Variants in DPF2 observed in about 807,000 individuals in gnomAD.
DPF2 encodes zinc finger protein ubi-d4.
In DPF2, 10 loss-of-function variants were observed where a neutral mutation model predicts 59.6. The observed-to-expected ratio is 0.17, with a 90% CI of 0.10 to 0.28. DPF2 has a LOEUF of 0.28. Among genes scored for constraint, DPF2 ranks in the 10% least tolerant of loss-of-function variants. DPF2 has a pLI of 1.00. For missense variants in DPF2, 315 were observed against 509.4 expected, an observed-to-expected ratio of 0.62 and a Z score of 3.67; for synonymous variants, 189 against 190.6, an observed-to-expected ratio of 0.99 and a Z score of 0.07.
chr11:65,337,927 C>T (rs1448267164), intron 1 of DPF2, among the ~76,000 whole-genome samples: 1 of 152,028 alleles, frequency 6.6e-6, no homozygotes, highest in Non-Finnish European at 1.5e-5. Flanking sequence ...GCCTCAGCCT[C>T]CCCCGTAGCT....
chr11:65,348,212 G>A (rs1036535132), intron 9 of DPF2: 6 of 152,274 alleles, frequency 3.9e-5, no homozygotes, highest in African/African-American at 1.4e-4. Context: ...TTGAACCCAG[G>A]AGTTTGAGGC....
intron 4 of DPF2, 106 bp downstream of exon 4, chr11:65,341,668 A>G (rs1854378360): frequency 2.0e-6 from 3 of 1,488,958 alleles, no homozygotes; most frequent in Non-Finnish European, 2.7e-6. Context: ...GAGTCCAGGA[A>G]GCAGGCCCCT....
rs563684759 is a variant in DPF2 at position 65,336,813 on chromosome 11, G to A, written c.32+2895G>A. Reference sequence around the variant, plus strand: ...AAAAAAAAAAAAAAAAAAAGAAGCCGGGCACGGTGGCTCATGCCTGTAATC... The same window carrying A: ...AAAAAAAAAAAAAAAAAAAGAAGCCAGGCACGGTGGCTCATGCCTGTAATC... On this transcript the variant is annotated intron_variant, in intron 1 of 10. Transcript: ENST00000528416. Among the ~76,000 whole-genome samples the A allele has an allele frequency of 8.1e-4, 119 of 147,468 alleles. 1 individual carries two copies. The South Asian group carries it at 0.022, about 27-fold the overall frequency.
Position 65,345,840 on chromosome 11 carries a change from G to A in DPF2, c.775+37G>A, listed in dbSNP as rs756098798. 6.2e-6 allele frequency: 10 copies of A among 1,613,690 alleles called. No individual in the cohort carries two copies. The East Asian group carries it at 2.0e-4, about 32-fold the overall frequency. On this transcript the variant is annotated intron_variant, in intron 7 of 10. Coordinates refer to ENST00000528416, the MANE Select transcript of DPF2 (RefSeq NM_006268.5). Reference sequence around the variant, plus strand: ...TGTCAGAAGTGGTGGGCAAGCAGAAGTTGGCCTGGTTATGAAAACCACTCC... The same window carrying A: ...TGTCAGAAGTGGTGGGCAAGCAGAAATTGGCCTGGTTATGAAAACCACTCC...
intron 1 of DPF2, among the ~76,000 whole-genome samples, chr11:65,337,537 A>G (rs981878754): frequency 7.2e-6 from 1 of 139,120 alleles, no homozygotes; most frequent in Admixed American, 7.3e-5. Flanking sequence ...AGAGAGAGAG[A>G]GAGAGAGAGA....
At chr11:65,347,214 A>G (rs1854560391) in intron 9 of DPF2, 1 of 151,860 alleles carries the variant, frequency 6.6e-6, no homozygotes. Context: ...GGGTTTCTCC[A>G]TGTTTGCCAG....
intron 4 of DPF2, among the ~76,000 whole-genome samples, chr11:65,342,977 G>C (rs2137696987): frequency 7.5e-6 from 1 of 132,640 alleles, no homozygotes; most frequent in East Asian, 2.3e-4. Flanking sequence ...CTAGGTGACA[G>C]AACGAGACTC....
intron 6 of DPF2, chr11:65,345,395 C>G: frequency 1.0e-5 from 5 of 482,066 alleles, no homozygotes; most frequent in Non-Finnish European, 1.9e-5. Context: ...GGGGCAAGGG[C>G]TAAGCCCCCC....
At position 65,353,638 on chromosome 11, in the gene DPF2, T is replaced by C. The variant is rs1487875494; in HGVS notation, c.*1879T>C. On this transcript the variant is annotated 3_prime_UTR_variant, in exon 11 of 11. Transcript: ENST00000528416. ...GCGCGTATGTCTTCAGTGTGTGTTT[T>C]AGAAGTCCAACTGTTGTTTTTATGT... Among the ~76,000 whole-genome samples the C allele has an allele frequency of 1.3e-5, 2 of 152,248 alleles. No individual in the cohort carries two copies. Among genetic ancestry groups the C allele is most frequent in the African/African-American group, 4.8e-5 (2 of 41,470 alleles).
chr11:65,341,524 C>G lies in DPF2; in HGVS notation c.427C>G (p.Leu143Val). 1 of 1,614,200 alleles carries G rather than the reference C, an allele frequency of 6.2e-7. No individual in the cohort carries two copies. The highest frequency in any genetic ancestry group is 8.5e-7 in the Non-Finnish European group (1 of 1,180,032). Residue 143 changes from leucine to valine, a missense_variant, in exon 4 of 11, where the codon CTG (leucine) becomes GTG (valine). By Grantham distance (32) the Leu-to-Val change is conservative. Around this residue, in one of 4 missense-constraint regions of DPF2, gnomAD observed 228 missense variants for 275.3 expected, o/e 0.83. Coordinates refer to ENST00000528416, the MANE Select transcript of DPF2 (RefSeq NM_006268.5). ...APDPRVDDDS[L>V]GEFPVTNSRA... ...GGATCCCCGAGTTGATGATGACAGC[C>G]TGGGCGAGTTTCCTGTGACCAACAG...
chr11:65,336,831 C>T (rs1467254408), intron 1 of DPF2, among the ~76,000 whole-genome samples: 1 of 150,464 alleles, frequency 6.6e-6, no homozygotes, highest in Non-Finnish European at 1.5e-5. Flanking sequence ...TGGCTCATGC[C>T]TGTAATCCCA....
chr11:65,342,880 G>A (rs899976272), intron 4 of DPF2, among the ~76,000 whole-genome samples: 4 of 151,144 alleles, frequency 2.6e-5, no homozygotes, highest in African/African-American at 7.3e-5. Flanking sequence ...CAGGCGTGGT[G>A]GTGGGCACCT....
At chr11:65,348,380 G>T in intron 9 of DPF2, 1 of 154,250 alleles carries the variant, frequency 6.5e-6, no homozygotes, top group South Asian at 2.0e-4. Flanking sequence ...GGGATTTCAG[G>T]ACCAGCCTGG....
intron 9 of DPF2, chr11:65,346,615 T>G (rs1401959145): frequency 2.4e-6 from 1 of 419,500 alleles, no homozygotes; most frequent in African/African-American, 2.0e-5. Context: ...GAGATTTACA[T>G]TCTTACAGGA....
Position 65,354,238 on chromosome 11 carries a change from C to T in DPF2, c.*2479C>T, listed in dbSNP as rs1017862673. ...ACTTGAATCTTGTAAAGTACCAAATCTAATAAAATACTCGTCCTAAATCAT... is the reference window on the plus strand; with the variant it reads ...ACTTGAATCTTGTAAAGTACCAAATTTAATAAAATACTCGTCCTAAATCAT... On this transcript the variant is annotated 3_prime_UTR_variant, in exon 11 of 11. Transcript: ENST00000528416. Among the ~76,000 whole-genome samples the T allele has an allele frequency of 2.6e-5, 4 of 152,200 alleles. No individual in the cohort carries two copies. The highest frequency in any genetic ancestry group is 9.6e-5 in the African/African-American group (4 of 41,452).
rs751972712 is a variant in DPF2, at chr11:65,333,872, A to G, written c.-15A>G. 6 of 1,613,752 alleles carry G rather than the reference A, an allele frequency of 3.7e-6. No homozygotes were observed. The highest frequency in any genetic ancestry group is 2.2e-5 in the East Asian group (1 of 44,882). ...ACTGTGGGGCTTCTCGGCCCGAGGC[A>G]GAGGAACAGGGAAGATGGCGGCTGT... is the stretch of plus-strand genomic sequence containing the variant. On this transcript the variant is annotated 5_prime_UTR_variant, in exon 1 of 11. Transcript: ENST00000528416.
intron 10 of DPF2, among the ~76,000 whole-genome samples, chr11:65,349,857 G>T (rs1854642162): frequency 6.6e-6 from 1 of 151,900 alleles, no homozygotes; most frequent in African/African-American, 2.4e-5. Context: ...AAATGCCCAG[G>T]AGCTGTTACT....
intron 1 of DPF2, among the ~76,000 whole-genome samples, chr11:65,337,535 A>AGAGAGG (rs1161647773): frequency 7.2e-6 from 1 of 138,696 alleles, no homozygotes; most frequent in East Asian, 2.0e-4. Context: ...AGAGAGAGAG[A>AGAGAGG]GAGAGAGAGA....
chr11:65,351,859 A>C lies in DPF2; in HGVS notation c.*100A>C. 4 of 1,353,516 alleles carry C rather than the reference A, an allele frequency of 3.0e-6. No homozygotes were observed. The highest frequency in any genetic ancestry group is 1.2e-5 in the South Asian group (1 of 80,084). The allele number at this position is 1,353,516 out of a possible 1,614,324, so 83.8% of individuals were successfully genotyped here. ...CCCTTCTTCCTCCTCTCCTTCACAA[A>C]TCCAGAGAACCTTGGGGTGGTTGTG... On this transcript the variant is annotated 3_prime_UTR_variant, in exon 11 of 11. Transcript: ENST00000528416.
Sources: allele counts gnomAD v4.1 joint callset (sites outside exome capture counted in the v4.1 genomes callset), GRCh38; gene constraint gnomAD v4.1.1; regional missense constraint gnomAD v4.1.1; transcripts MANE v1.5; gene names NCBI Gene and HGNC (gene_info 2026-07-23, HGNC 2026-07-21).